EPOR: variants seen among roughly 807,000 people sequenced by gnomAD.
EPOR encodes the protein erythropoietin receptor.
A neutral mutation model predicts 34.3 loss-of-function variants in EPOR; 20 were observed. That is an observed-to-expected ratio of 0.58 (90% CI 0.41 to 0.85). The LOEUF (loss-of-function observed/expected upper bound fraction) is 0.85. Among genes scored for constraint, EPOR ranks in the 40% least tolerant of loss-of-function variants. The probability of loss-of-function intolerance (pLI) is 0.00; values close to 1 mark genes in which losing one functional copy is unlikely to be tolerated. For synonymous variants in EPOR, 312 were observed against 299.0 expected (o/e 1.04, Z -0.45); for missense variants, 601 against 672.7 (o/e 0.89, Z 1.18).
chr19:11,381,660 T>A lies in EPOR; in HGVS notation c.585+32A>T, dbSNP rs377285358. On this transcript the variant is annotated intron_variant, in intron 4 of 7. Coordinates refer to ENST00000222139, the MANE Select transcript of EPOR (RefSeq NM_000121.4). This position sits in a 1 kb window ranked among gnomAD's most constrained non-coding sequence, Gnocchi z 5.3. ...GTGGCTGGGCCGTAGTCAGTGGAGCTTTGGGGGCTGGGCCGTAGGGGCTGG... is the reference window on the plus strand; with the variant it reads ...GTGGCTGGGCCGTAGTCAGTGGAGCATTGGGGGCTGGGCCGTAGGGGCTGG... 10 of 1,577,392 alleles carry A rather than the reference T, an allele frequency of 6.3e-6. No individual in the cohort carries two copies. The highest frequency in any genetic ancestry group is 2.7e-5 in the African/African-American group (2 of 73,904).
rs1465051778 is a variant in EPOR at position 11,383,973 on chromosome 19, C to T, written c.115+120G>A. 9.2e-5 allele frequency: 53 copies of T among 578,928 alleles called. No individual in the cohort carries two copies. The highest frequency in any genetic ancestry group is 1.6e-4 in the Non-Finnish European group (51 of 320,420). 35.9% of individuals were successfully genotyped at this position (578,928 alleles called of 1,614,324 possible). A position where few individuals can be genotyped will look rare whatever the true frequency, so the allele number is the denominator to read the frequency against. On this transcript the variant is annotated intron_variant, in intron 1 of 7. Coordinates refer to ENST00000222139, the MANE Select transcript of EPOR (RefSeq NM_000121.4). The surrounding 1 kb of genome is among the most constrained non-coding windows in gnomAD (Gnocchi z 4.9). ...AAGGGTTCAGATGCCAGCTTGGCCC[C>T]CAGGACCCGGTCAGGAAGTCCAGAA... is the stretch of plus-strand genomic sequence containing the variant.
Position 11,381,153 on chromosome 19 carries a change from C to G in EPOR, c.642G>C (p.Thr214=). ...ECVLSNLRGR[T]RYTFAVRARM... ...GCGCGCGGACGGCGAAGGTGTAGCG[C>G]GTCCGGCCCCGCAGGTTGCTCAGCA... Residue 214 remains threonine (T), a synonymous_variant, in exon 5 of 8, where the codon ACG becomes ACC. Transcript: ENST00000222139. The surrounding 1 kb of genome is among the most constrained non-coding windows in gnomAD (Gnocchi z 5.3). 1 of 1,556,458 alleles carries G rather than the reference C, an allele frequency of 6.4e-7. No individual in the cohort carries two copies. Among genetic ancestry groups the G allele is most frequent in the Non-Finnish European group, 8.7e-7 (1 of 1,150,540 alleles).
intron 2 of EPOR, chr19:11,382,829 G>T (rs1416401519): frequency 1.4e-6 from 2 of 1,453,376 alleles, no homozygotes; most frequent in Admixed American, 2.1e-5. Context: ...TCCCAGCCCC[G>T]ACGTAGTAAC....
rs1968358233 is a variant in EPOR, at chr19:11,381,514, C to T, written c.585+178G>A. ...AAGAAGTTGGGGTTCAACAGGCTTG[C>T]GAGGACATTAGGAAAGGGGGTGTGT... On this transcript the variant is annotated intron_variant, in intron 4 of 7. Coordinates refer to ENST00000222139, the MANE Select transcript of EPOR (RefSeq NM_000121.4). The surrounding 1 kb of genome is among the most constrained non-coding windows in gnomAD (Gnocchi z 5.3). 6.6e-6 allele frequency among the ~76,000 whole-genome samples: 1 copy of T among 152,150 alleles called. No homozygotes were observed. The highest frequency in any genetic ancestry group is 1.9e-4 in the East Asian group (1 of 5,170).
chr19:11,381,390 T>C lies in EPOR; in HGVS notation c.586-181A>G. ...CAGGGCCAATCAGAGAGAGAGTCTC[T>C]GGTACGAAAGGGCGGGACCCGGGCA... On this transcript the variant is annotated intron_variant, in intron 4 of 7. Coordinates refer to ENST00000222139, the MANE Select transcript of EPOR (RefSeq NM_000121.4). This position sits in a 1 kb window ranked among gnomAD's most constrained non-coding sequence, Gnocchi z 5.3. The C allele has an allele frequency of 1.3e-6, 1 of 740,940 alleles. No homozygotes were observed. The highest frequency in any genetic ancestry group is 2.2e-6 in the Non-Finnish European group (1 of 452,728). The allele number at this position is 740,940 out of a possible 1,614,324, so 45.9% of individuals were successfully genotyped here.
In EPOR at chr19:11,378,804, C is replaced by T. The variant is rs1049115090; in HGVS notation, c.828-26G>A. 6.2e-7 allele frequency: 1 copy of T among 1,608,374 alleles called. No individual in the cohort carries two copies. Among genetic ancestry groups the T allele is most frequent in the Non-Finnish European group, 8.5e-7 (1 of 1,175,336 alleles). ...CTGTTGAAGCCAATATAAATAGTTA[C>T]ATAGATATGACTCATTGAATACTCA... is the stretch of plus-strand genomic sequence containing the variant. On this transcript the variant is annotated intron_variant, in intron 6 of 7. Transcript: ENST00000222139. This position sits in a 1 kb window ranked among gnomAD's most constrained non-coding sequence, Gnocchi z 5.3.
In EPOR at chr19:11,383,327, G is replaced by A. The variant is rs1968391028; in HGVS notation, c.116-95C>T. ...TCCCTCCCGCAGCCTGGGCGGACCC[G>A]ATAAGAAAAAAGCCCCGCCCTGCCA... is the stretch of plus-strand genomic sequence containing the variant. On this transcript the variant is annotated intron_variant, in intron 1 of 7. Coordinates refer to ENST00000222139, the MANE Select transcript of EPOR (RefSeq NM_000121.4). This position sits in a 1 kb window ranked among gnomAD's most constrained non-coding sequence, Gnocchi z 4.9. The A allele has an allele frequency of 2.3e-6, 3 of 1,316,944 alleles. No individual in the cohort carries two copies. The highest frequency in any genetic ancestry group is 3.1e-6 in the Non-Finnish European group (3 of 983,472). The allele number at this position is 1,316,944 out of a possible 1,614,324, so 81.6% of individuals were successfully genotyped here.
chr19:11,378,051 T>C lies in EPOR; in HGVS notation c.1460A>G (p.Asn487Ser), dbSNP rs62638745. The C allele has an allele frequency of 6.6e-3, 10,729 of 1,614,018 alleles. 53 individuals carry two copies. The highest frequency in any genetic ancestry group is 7.7e-3 in the Admixed American group (460 of 60,008). The change falls in exon 8 of 8, where the codon AAC becomes AGC. Residue 487 changes from asparagine to serine, a missense_variant. By Grantham distance (46) the Asn-to-Ser change is conservative. Coordinates refer to ENST00000222139, the MANE Select transcript of EPOR (RefSeq NM_000121.4). This position sits in a 1 kb window ranked among gnomAD's most constrained non-coding sequence, Gnocchi z 5.3. ...TGGGATAAGGCTGTTCTCATAAGGG[T>C]TGGAGTAGGGGCCATCGGATAAGCC... ...QGGLSDGPYS[N>S]PYENSLIPAA...
Position 11,378,275 on chromosome 19 carries a change from C to T in EPOR, c.1236G>A (p.Ser412=), listed in dbSNP as rs373647199. 105 of 1,613,918 alleles carry T rather than the reference C, an allele frequency of 6.5e-5. No homozygotes were observed. Among genetic ancestry groups the T allele is most frequent in the Non-Finnish European group, 8.5e-5 (100 of 1,180,020 alleles). ...CAGAGGCTCCCTCTGGGCTGGGCTT[C>T]GAGGCCAAAGCAGATGAGCAGGAGG... is the stretch of plus-strand genomic sequence containing the variant. ...EASSCSSALA[S]KPSPEGASAA... The change falls in exon 8 of 8, where the codon TCG becomes TCA. Residue 412 remains serine, a synonymous_variant. Transcript: ENST00000222139. The surrounding 1 kb of genome is among the most constrained non-coding windows in gnomAD (Gnocchi z 5.3).
In EPOR at chr19:11,383,369, C is replaced by CAAGGGACCCG; in HGVS notation, c.116-138_116-137insCGGGTCCCTT. 1.1e-6 allele frequency: 1 copy of CAAGGGACCCG among 878,128 alleles called. No homozygotes were observed. Among genetic ancestry groups the CAAGGGACCCG allele is most frequent in the Non-Finnish European group, 1.7e-6 (1 of 593,092 alleles). 54.4% of individuals were successfully genotyped at this position (878,128 alleles called of 1,614,324 possible). A position where few individuals can be genotyped will look rare whatever the true frequency, so the allele number is the denominator to read the frequency against. On this transcript the variant is annotated intron_variant, in intron 1 of 7. Transcript: ENST00000222139. The surrounding 1 kb of genome is among the most constrained non-coding windows in gnomAD (Gnocchi z 4.9). ...GCCCTGCCATCTTCCCAAGCGGGTC[C>CAAGGGACCCG]CTTGGAGGGGTCCGCAGAGGTGGTG...
Position 11,383,116 on chromosome 19 carries a change from T to A in EPOR, c.232A>T (p.Ser78Cys). Residue 78 changes from serine to cysteine, a missense_variant, in exon 2 of 8, where the codon AGC (serine) becomes TGC (cysteine). Coordinates refer to ENST00000222139, the MANE Select transcript of EPOR (RefSeq NM_000121.4). The surrounding 1 kb of genome is among the most constrained non-coding windows in gnomAD (Gnocchi z 4.9). ...ASAGVGPGNYSFSYQLEDEPW... is the reference protein window; with the variant it reads ...ASAGVGPGNYCFSYQLEDEPW... ...ACTCACTCGAGCTGGTAGGAGAAGC[T>A]GTAGTTGCCCGGGCCCACCCCAGCG... 6.2e-7 allele frequency: 1 copy of A among 1,613,452 alleles called. No individual in the cohort carries two copies. The highest frequency in any genetic ancestry group is 8.5e-7 in the Non-Finnish European group (1 of 1,179,880).
rs539406596 is a variant in EPOR, at chr19:11,380,033, C to T, written c.827+851G>A. Among the ~76,000 whole-genome samples the T allele has an allele frequency of 1.2e-4, 18 of 152,340 alleles. No individual in the cohort carries two copies. The South Asian group carries it at 2.9e-3, about 25-fold the overall frequency. ...GTGGCAATTCTTGAAGCTGGCTGAA[C>T]GTTCCAATCTCATTCCCACCTCAGG... On this transcript the variant is annotated intron_variant, in intron 6 of 7. Coordinates refer to ENST00000222139, the MANE Select transcript of EPOR (RefSeq NM_000121.4).
chr19:11,378,788 C>T lies in EPOR; in HGVS notation c.828-10G>A. The T allele has an allele frequency of 6.2e-7, 1 of 1,613,780 alleles. No homozygotes were observed. Among genetic ancestry groups the T allele is most frequent in the Non-Finnish European group, 8.5e-7 (1 of 1,179,864 alleles). ...CTTCTGCTTCAGAGCCCTGTTGAAG[C>T]CAATATAAATAGTTACATAGATATG... On this transcript the variant is annotated splice_polypyrimidine_tract_variant and intron_variant, in intron 6 of 7. Transcript: ENST00000222139. The surrounding 1 kb of genome is among the most constrained non-coding windows in gnomAD (Gnocchi z 5.3).
chr19:11,383,138 A>T lies in EPOR; in HGVS notation c.210T>A (p.Ala70=), dbSNP rs769284924. 53 of 1,612,806 alleles carry T rather than the reference A, an allele frequency of 3.3e-5. No homozygotes were observed. Among genetic ancestry groups the T allele is most frequent in the Non-Finnish European group, 1.4e-5 (17 of 1,179,758 alleles). The change falls in exon 2 of 8, where the codon GCT becomes GCA. Residue 70 remains alanine, a synonymous_variant. Transcript: ENST00000222139. This position sits in a 1 kb window ranked among gnomAD's most constrained non-coding sequence, Gnocchi z 4.9. ...AGCTGTAGTTGCCCGGGCCCACCCC[A>T]GCGCTCGCCGCTTCCTCCCAGAAAC... is the stretch of plus-strand genomic sequence containing the variant. ...LVCFWEEAAS[A]GVGPGNYSFS... is the part of the protein sequence containing the mutation.
In EPOR at chr19:11,383,651, G is replaced by A. The variant is rs866111349; in HGVS notation, c.116-419C>T. The stretch of plus-strand genomic sequence containing the variant: ...TGCCCCCCGCCTCCCTCCCTCCACC[G>A]GGCCGGGCAAGTGATCTGGCGCCCT... On this transcript the variant is annotated intron_variant, in intron 1 of 7. Transcript: ENST00000222139. The surrounding 1 kb of genome is among the most constrained non-coding windows in gnomAD (Gnocchi z 4.9). The A allele has an allele frequency of 8.9e-6, 2 of 224,342 alleles. No homozygotes were observed. The highest frequency in any genetic ancestry group is 1.8e-5 in the Non-Finnish European group (2 of 113,330). The allele number at this position is 224,342 out of a possible 1,614,324, so 13.9% of individuals were successfully genotyped here.
rs915672009 is a variant in EPOR, at chr19:11,384,169, G to A, written c.39C>T (p.Gly13=). The A allele has an allele frequency of 5.2e-6, 8 of 1,549,402 alleles. No homozygotes were observed. In the African/African-American group the frequency reaches 8.2e-5, roughly 16 times the overall value. Residue 13 remains glycine, a synonymous_variant, in exon 1 of 8, where the codon GGC becomes GGT. Transcript: ENST00000222139. Reference sequence around the variant, plus strand: ...CCCCAGCGAGCAGGAGACAAAGGGAGCCGACCTGGGGCCAGAGGGACGCCC... The same window carrying A: ...CCCCAGCGAGCAGGAGACAAAGGGAACCGACCTGGGGCCAGAGGGACGCCC... ...HLGASLWPQV[G]SLCLLLAGAA... is the part of the protein sequence containing the mutation.
chr19:11,380,821 C>T, intron 6 of EPOR, 63 bp downstream of exon 6: 1 of 1,332,012 alleles, frequency 7.5e-7, no homozygotes, highest in South Asian at 1.3e-5. Flanking sequence ...CCTAGGTTTC[C>T]ATAGTGAAAG....
Position 11,384,278 on chromosome 19 carries a change from C to G in EPOR, c.-71G>C, listed in dbSNP as rs1968406354. 9.2e-7 allele frequency: 1 copy of G among 1,083,930 alleles called. No homozygotes were observed. The highest frequency in any genetic ancestry group is 1.4e-6 in the Non-Finnish European group (1 of 734,756). The allele number at this position is 1,083,930 out of a possible 1,614,324, so 67.1% of individuals were successfully genotyped here. A position where few individuals can be genotyped will look rare whatever the true frequency, so the allele number is the denominator to read the frequency against. The stretch of plus-strand genomic sequence containing the variant: ...CCCCCGCCCCCGGCACAGTCCACAG[C>G]TGGGTCAGCAGCTGCCTCCGCCGGA... On this transcript the variant is annotated 5_prime_UTR_variant, in exon 1 of 8. Transcript: ENST00000222139.
intron 2 of EPOR, among the ~76,000 whole-genome samples, chr19:11,382,681 C>T (rs1485941745): frequency 1.3e-5 from 2 of 151,948 alleles, no homozygotes; most frequent in Non-Finnish European, 2.9e-5. Context: ...TTTTAAGAGA[C>T]GGGGATCTCG....
Sources: gnomAD v4.1 joint callset for allele counts (sites outside exome capture counted in the v4.1 genomes callset) on GRCh38, gnomAD v4.1.1 for gene constraint, Gnocchi (gnomAD v3.1) non-coding constraint, MANE v1.5 for transcripts, NCBI Gene and HGNC (gene_info 2026-07-23, HGNC 2026-07-21) for gene names.